CAMK4: variants seen among roughly 807,000 people sequenced by gnomAD.
CAMK4 encodes the protein calcium/calmodulin-dependent protein kinase type IV.
A neutral mutation model predicts 44.9 loss-of-function variants in CAMK4; 22 were observed. That is an observed-to-expected ratio of 0.49 (90% CI 0.35 to 0.70). The LOEUF is 0.70. Among genes scored for constraint, CAMK4 ranks in the 30% least tolerant of loss-of-function variants. CAMK4 has a pLI of 0.01. For synonymous variants in CAMK4, 218 were observed against 215.4 expected, an observed-to-expected ratio of 1.01 and a Z score of -0.11; for missense variants, 498 against 586.8, an observed-to-expected ratio of 0.85 and a Z score of 1.56.
intron 7 of CAMK4, among the ~76,000 whole-genome samples, chr5:111,456,343 T>C (rs1754413492): frequency 6.6e-6 from 1 of 151,850 alleles, no homozygotes. Flanking sequence ...TACAAAAAAT[T>C]AGCCGGGCAT....
At chr5:111,255,203 G>A (rs1171332137) in intron 1 of CAMK4, among the ~76,000 whole-genome samples, 1 of 152,112 alleles carries the variant, frequency 6.6e-6, no homozygotes, top group Non-Finnish European at 1.5e-5. Context: ...TACTGTTGAT[G>A]GCCATGAAGC....
rs187562587 is a variant in CAMK4 at position 111,395,568 on chromosome 5, G to T, written c.459+786G>T. Among the ~76,000 whole-genome samples the T allele has an allele frequency of 6.6e-4, 100 of 152,136 alleles. 1 individual carries two copies. The highest frequency in any genetic ancestry group is 2.1e-3 in the African/African-American group (86 of 41,520). On this transcript the variant is annotated intron_variant, in intron 5 of 10. Transcript: ENST00000282356. The stretch of plus-strand genomic sequence containing the variant: ...AAGAAATGAGTTAATTGGAAAGAAA[G>T]AATGTATCAGTTTTTTTAAGGAAGA...
intron 1 of CAMK4, among the ~76,000 whole-genome samples, chr5:111,333,245 T>A (rs991473021): frequency 2.6e-5 from 4 of 151,626 alleles, no homozygotes; most frequent in African/African-American, 7.3e-5. Flanking sequence ...ATAGCTGTCT[T>A]CATTCATGTA....
intron 5 of CAMK4, among the ~76,000 whole-genome samples, chr5:111,443,929 A>T (rs934693639): frequency 6.6e-6 from 1 of 152,182 alleles, no homozygotes; most frequent in African/African-American, 2.4e-5. Flanking sequence ...AACTCAGCTT[A>T]TATCAAGATA....
intron 1 of CAMK4, among the ~76,000 whole-genome samples, chr5:111,318,009 A>G (rs532889673): frequency 6.6e-6 from 1 of 151,792 alleles, no homozygotes; most frequent in African/African-American, 2.4e-5. Context: ...TTTGTACTAC[A>G]TGCGAAGAGA....
At chr5:111,254,495 A>G (rs2112547619) in intron 1 of CAMK4, among the ~76,000 whole-genome samples, 1 of 152,334 alleles carries the variant, frequency 6.6e-6, no homozygotes, top group East Asian at 1.9e-4. Flanking sequence ...ACACTCTGTA[A>G]TGCCAGAAAC....
intron 4 of CAMK4, among the ~76,000 whole-genome samples, chr5:111,392,424 C>A (rs998453293): frequency 6.6e-6 from 1 of 152,018 alleles, no homozygotes; most frequent in East Asian, 1.9e-4. Context: ...CCCACTGGGC[C>A]CCTCCTCCAA....
chr5:111,479,049 A>T (rs1755342051), intron 9 of CAMK4, among the ~76,000 whole-genome samples: 1 of 151,970 alleles, frequency 6.6e-6, no homozygotes, highest in South Asian at 2.1e-4. Context: ...GCTAATTTTT[A>T]AAAGTTTTTT....
At chr5:111,443,621 T>C (rs1448192006) in intron 5 of CAMK4, among the ~76,000 whole-genome samples, 5 of 152,056 alleles carry the variant, frequency 3.3e-5, no homozygotes, top group Non-Finnish European at 7.4e-5. Flanking sequence ...TTTTTGTTGC[T>C]GTTGTTTAAC....
intron 5 of CAMK4, among the ~76,000 whole-genome samples, chr5:111,421,550 A>T (rs578172647): frequency 2.0e-5 from 3 of 152,340 alleles, no homozygotes; most frequent in African/African-American, 7.2e-5. Context: ...AATGCATCCA[A>T]GTGGAAAATT....
chr5:111,272,393 A>AAT lies in CAMK4; in HGVS notation c.161+47759_161+47760dup, dbSNP rs1351529749. On this transcript the variant is annotated intron_variant, in intron 1 of 10. Coordinates refer to ENST00000282356, the MANE Select transcript of CAMK4 (RefSeq NM_001744.6). ...TGCCAATAATGGTGTTAAGCATTTTAATATATATATAAAGTGCAGATTTCC... is the reference window on the plus strand; with the variant it reads ...TGCCAATAATGGTGTTAAGCATTTTAATATATATATATAAAGTGCAGATTTCC... Among the ~76,000 whole-genome samples the AAT allele has an allele frequency of 3.4e-4, 51 of 152,056 alleles. 1 individual carries two copies. The highest frequency in any genetic ancestry group is 4.4e-5 in the Non-Finnish European group (3 of 67,996).
Position 111,467,101 on chromosome 5 carries a change from C to T in CAMK4, c.626-6210C>T, listed in dbSNP as rs375552759. On this transcript the variant is annotated intron_variant, in intron 7 of 10. Coordinates refer to ENST00000282356, the MANE Select transcript of CAMK4 (RefSeq NM_001744.6). ...CAAAGCGGGGAAAGGATACCCTATT[C>T]GACAAATGGTGATGGGATAATTGGC... 1.1e-4 allele frequency among the ~76,000 whole-genome samples: 16 copies of T among 152,052 alleles called. No homozygotes were observed. In the East Asian group the frequency reaches 1.9e-3, roughly 18 times the overall value.
chr5:111,228,509 GGTGTGTGTGTGTGTGTGTGTGTGT>G (rs373248608), intron 1 of CAMK4, among the ~76,000 whole-genome samples: 3 of 145,254 alleles, frequency 2.1e-5, no homozygotes, highest in Admixed American at 2.1e-4. Flanking sequence ...CATAGTAAGG[GGTGTGTGTGTGTGTGTGTGTGTGT>G]GTGTGTGTGT....
chr5:111,230,722 A>T (rs1289059787), intron 1 of CAMK4, among the ~76,000 whole-genome samples: 1 of 152,206 alleles, frequency 6.6e-6, no homozygotes, highest in Non-Finnish European at 1.5e-5. Context: ...ATGTGTTTGC[A>T]GTAATACATT....
At chr5:111,393,170 A>G (rs1751871477) in intron 4 of CAMK4, among the ~76,000 whole-genome samples, 2 of 152,212 alleles carry the variant, frequency 1.3e-5, no homozygotes, top group African/African-American at 4.8e-5. Flanking sequence ...TGAAACTGCT[A>G]ATGACTTGAT....
At chr5:111,234,148 G>A (rs1175063988) in intron 1 of CAMK4, among the ~76,000 whole-genome samples, 1 of 152,208 alleles carries the variant, frequency 6.6e-6, no homozygotes, top group African/African-American at 2.4e-5. Flanking sequence ...GTAGTCATAA[G>A]TGGATACTGA....
chr5:111,459,943 G>A (rs1042439128), intron 7 of CAMK4, among the ~76,000 whole-genome samples: 3 of 152,040 alleles, frequency 2.0e-5, no homozygotes, highest in African/African-American at 4.8e-5. Flanking sequence ...ACACTACTTC[G>A]AGAACAGAAC....
chr5:111,442,366 G>A (rs996242011), intron 5 of CAMK4, among the ~76,000 whole-genome samples: 1 of 152,022 alleles, frequency 6.6e-6, no homozygotes, highest in Non-Finnish European at 1.5e-5. Flanking sequence ...GCATGGTGGC[G>A]CGTGCCTGTT....
rs563201241 is a variant in CAMK4 at position 111,458,373 on chromosome 5, T to A, written c.625+9170T>A. Among the ~76,000 whole-genome samples, 40 of 152,304 alleles carry A rather than the reference T, an allele frequency of 2.6e-4. 1 individual carries two copies. Among genetic ancestry groups the A allele is most frequent in the African/African-American group, 9.6e-4 (40 of 41,566 alleles). ...TTGAAATCTGAAGAAAACTGCGTCTTTGGAGTCTTTATATTGGTTTCGTAC... is the reference window on the plus strand; with the variant it reads ...TTGAAATCTGAAGAAAACTGCGTCTATGGAGTCTTTATATTGGTTTCGTAC... On this transcript the variant is annotated intron_variant, in intron 7 of 10. Transcript: ENST00000282356.
Sources: allele counts gnomAD v4.1 joint callset (sites outside exome capture counted in the v4.1 genomes callset), GRCh38; gene constraint gnomAD v4.1.1; transcripts MANE v1.5; gene names NCBI Gene and HGNC (gene_info 2026-07-23, HGNC 2026-07-21).